KLHDC10: variants seen among roughly 807,000 people sequenced by gnomAD.
KLHDC10 encodes the protein kelch domain-containing protein 10.
A neutral mutation model predicts 56.1 loss-of-function variants in KLHDC10; 24 were observed. The observed-to-expected ratio is 0.43, with a 90% CI of 0.31 to 0.60. The LOEUF is 0.60. Ranked by LOEUF, KLHDC10 falls within the 20% of genes least tolerant of loss-of-function variation. The probability of loss-of-function intolerance (pLI) is 0.11; values close to 1 mark genes in which losing one functional copy is unlikely to be tolerated. For synonymous variants in KLHDC10, 188 were observed against 207.1 expected (o/e 0.91, Z 0.79); for missense variants, 349 against 567.0 (o/e 0.62, Z 3.91).
chr7:130,129,477 G>T lies in KLHDC10; in HGVS notation c.1020G>T (p.Leu340=). The T allele has an allele frequency of 6.2e-7, 1 of 1,614,144 alleles. No individual in the cohort carries two copies. The highest frequency in any genetic ancestry group is 8.5e-7 in the Non-Finnish European group (1 of 1,180,010). ...GGGGCTATAATGGAGAGGTGATCCT[G>T]GGAGATATCTGGAAGTTGAATCTGC... The part of the protein sequence containing the change: ...ICGGYNGEVI[L]GDIWKLNLQT... Residue 340 remains leucine, a synonymous_variant, in exon 9 of 10, where the codon CTG becomes CTT. Coordinates refer to ENST00000335420, the MANE Select transcript of KLHDC10 (RefSeq NM_014997.4).
In KLHDC10 at chr7:130,108,620, G is replaced by C. The variant is rs1796053550; in HGVS notation, c.254-7825G>C. On this transcript the variant is annotated intron_variant, in intron 2 of 9. Coordinates refer to ENST00000335420, the MANE Select transcript of KLHDC10 (RefSeq NM_014997.4). ...CTGTGGTCCCAGCACTCATCAGGAT[G>C]CTGAGGTGGAAGGATCGCTTGAGCT... Among the ~76,000 whole-genome samples, 18 of 150,142 alleles carry C rather than the reference G, an allele frequency of 1.2e-4. No individual in the cohort carries two copies. The South Asian group carries it at 3.8e-3, about 32-fold the overall frequency.
rs538974347 is a variant in KLHDC10 at position 130,104,496 on chromosome 7, C to CA, written c.253+7495dup. On this transcript the variant is annotated intron_variant, in intron 2 of 9. Transcript: ENST00000335420. ...ATATAACATTTCTACAAATCAATTT[C>CA]AAAAAAGACAGTTCAATGAGAGAAT... Among the ~76,000 whole-genome samples, 230 of 152,138 alleles carry CA rather than the reference C, an allele frequency of 1.5e-3. 1 individual carries two copies. Among genetic ancestry groups the CA allele is most frequent in the African/African-American group, 5.0e-3 (209 of 41,526 alleles).
At chr7:130,107,879 G>C (rs4731656) in intron 2 of KLHDC10, among the ~76,000 whole-genome samples, 3 of 139,598 alleles carry the variant, frequency 2.1e-5, no homozygotes, top group African/African-American at 8.2e-5. Context: ...AGCCGGACGC[G>C]GTGGCCCGTA....
chr7:130,070,736 T>C lies in KLHDC10; in HGVS notation c.93T>C (p.Ser31=). 1 of 651,540 alleles carries C rather than the reference T, an allele frequency of 1.5e-6. No individual in the cohort carries two copies. The highest frequency in any genetic ancestry group is 2.2e-6 in the Non-Finnish European group (1 of 461,816). The allele number at this position is 651,540 out of a possible 1,614,324, so 40.4% of individuals were successfully genotyped here. A position where few individuals can be genotyped will look rare whatever the true frequency, so the allele number is the denominator to read the frequency against. ...GAGGTAGCGGGGCCGGCGGGGGCAG[T>C]GGGGGCAGCGGGGGTCGGGGGACTG... ...GGGGSGAGGG[S]GGSGGRGTGQ... Residue 31 remains serine, a synonymous_variant, in exon 1 of 10, where the codon AGT becomes AGC. Coordinates refer to ENST00000335420, the MANE Select transcript of KLHDC10 (RefSeq NM_014997.4).
chr7:130,098,301 A>G (rs1795879840), intron 2 of KLHDC10, among the ~76,000 whole-genome samples: 1 of 152,126 alleles, frequency 6.6e-6, no homozygotes, highest in African/African-American at 2.4e-5. Context: ...AAGACCAGCC[A>G]GGACAACACG....
In KLHDC10 at chr7:130,116,800, A is replaced by G. The variant is rs1796174738; in HGVS notation, c.475+134A>G. 1.4e-6 allele frequency: 1 copy of G among 717,854 alleles called. No individual in the cohort carries two copies. Among genetic ancestry groups the G allele is most frequent in the African/African-American group, 1.8e-5 (1 of 56,766 alleles). 44.5% of individuals were successfully genotyped at this position (717,854 alleles called of 1,614,324 possible). On this transcript the variant is annotated intron_variant, in intron 3 of 9. Coordinates refer to ENST00000335420, the MANE Select transcript of KLHDC10 (RefSeq NM_014997.4). The surrounding 1 kb of genome is among the most constrained non-coding windows in gnomAD (Gnocchi z 4.8). ...CCTGTGGGTGGATAGGCTTTTTACT[A>G]GGGTAATAACAGTATGGTGATTCCA...
In KLHDC10 at chr7:130,130,403, C is replaced by T. The variant is rs187380143; in HGVS notation, c.1120-134C>T. On this transcript the variant is annotated intron_variant, in intron 9 of 9. Transcript: ENST00000335420. This position sits in a 1 kb window ranked among gnomAD's most constrained non-coding sequence, Gnocchi z 4.2. ...ATTATTTAAACCCTCTTGATCTCCACATGGTATTGGGATCAGTGAGGAATT... is the reference window on the plus strand; with the variant it reads ...ATTATTTAAACCCTCTTGATCTCCATATGGTATTGGGATCAGTGAGGAATT... The T allele has an allele frequency of 4.6e-6, 3 of 658,130 alleles. No individual in the cohort carries two copies. The highest frequency in any genetic ancestry group is 2.5e-5 in the Admixed American group (1 of 40,542). The allele number at this position is 658,130 out of a possible 1,614,324, so 40.8% of individuals were successfully genotyped here.
At chr7:130,108,553 A>G (rs2116889237) in intron 2 of KLHDC10, among the ~76,000 whole-genome samples, 1 of 121,222 alleles carries the variant, frequency 8.2e-6, no homozygotes, top group Middle Eastern at 4.0e-3. Flanking sequence ...TCTACCAAAT[A>G]TCCAAAAAAA....
At chr7:130,079,360 A>C (rs1406440174) in intron 1 of KLHDC10, among the ~76,000 whole-genome samples, 1 of 152,100 alleles carries the variant, frequency 6.6e-6, no homozygotes, top group Non-Finnish European at 1.5e-5. Flanking sequence ...GCCAGGCCTA[A>C]AGTATTTTTT....
chr7:130,090,528 C>T (rs1466854838), intron 1 of KLHDC10, among the ~76,000 whole-genome samples: 3 of 151,058 alleles, frequency 2.0e-5, no homozygotes, highest in Non-Finnish European at 2.9e-5. Flanking sequence ...GTGGAGGTTG[C>T]ATTGAGCCAA....
In KLHDC10 at chr7:130,133,867, T is replaced by G. The variant is rs1796432925; in HGVS notation, c.*3121T>G. 1 of 152,196 alleles carries G rather than the reference T, an allele frequency of 6.6e-6. No homozygotes were observed. Among genetic ancestry groups the G allele is most frequent in the South Asian group, 2.1e-4 (1 of 4,826 alleles). The allele number at this position is 152,196 out of a possible 1,614,324, so 9.4% of individuals were successfully genotyped here. A position where few individuals can be genotyped will look rare whatever the true frequency, so the allele number is the denominator to read the frequency against. ...TCCACATCCTGGAAAAACTATAAAC[T>G]GACACAGAATAGGTTGAAATCTTAA... is the stretch of plus-strand genomic sequence containing the variant. On this transcript the variant is annotated 3_prime_UTR_variant, in exon 10 of 10. Transcript: ENST00000335420.
chr7:130,128,889 A>AAAAAAAAAAAAAAAAAAATATATATAT, intron 8 of KLHDC10, among the ~76,000 whole-genome samples: 2 of 66,952 alleles, frequency 3.0e-5, no homozygotes, highest in Non-Finnish European at 5.5e-5. Context: ...AAAAAAAAAA[A>AAAAAAAAAAAAAAAAAAATATATATAT]ATATATATAT....
Position 130,131,090 on chromosome 7 carries a change from G to C in KLHDC10, c.*344G>C. ...TTAAAGGAATTCTGAATAGTTCCATGTCATACAATATTCTAGAAATTAAAA... is the reference window on the plus strand; with the variant it reads ...TTAAAGGAATTCTGAATAGTTCCATCTCATACAATATTCTAGAAATTAAAA... On this transcript the variant is annotated 3_prime_UTR_variant, in exon 10 of 10. Transcript: ENST00000335420. 5.7e-6 allele frequency: 1 copy of C among 175,752 alleles called. No homozygotes were observed. Among genetic ancestry groups the C allele is most frequent in the Non-Finnish European group, 1.2e-5 (1 of 82,806 alleles). The allele number at this position is 175,752 out of a possible 1,614,324, so 10.9% of individuals were successfully genotyped here.
At chr7:130,098,469 G>T (rs983172002) in intron 2 of KLHDC10, among the ~76,000 whole-genome samples, 2 of 152,036 alleles carry the variant, frequency 1.3e-5, no homozygotes, top group Admixed American at 6.6e-5. Context: ...TTCCAGCCTG[G>T]GCGATAGAGT....
intron 1 of KLHDC10, among the ~76,000 whole-genome samples, chr7:130,077,545 CTTTTTCTTTCTTTTTT>C (rs975152544): frequency 7.4e-6 from 1 of 136,020 alleles, no homozygotes; most frequent in African/African-American, 2.9e-5. Context: ...TTTCTTTTTT[CTTTTTCTTTCTTTTTT>C]TTTTTTTTTT....
chr7:130,100,511 T>C (rs1322242071), intron 2 of KLHDC10, among the ~76,000 whole-genome samples: 1 of 152,212 alleles, frequency 6.6e-6, no homozygotes, highest in Non-Finnish European at 1.5e-5. Flanking sequence ...AATTAAAGTA[T>C]TGTAAAGGCC....
chr7:130,130,145 A>C lies in KLHDC10; in HGVS notation c.1120-392A>C, dbSNP rs144170753. On this transcript the variant is annotated intron_variant, in intron 9 of 9. Coordinates refer to ENST00000335420, the MANE Select transcript of KLHDC10 (RefSeq NM_014997.4). This position sits in a 1 kb window ranked among gnomAD's most constrained non-coding sequence, Gnocchi z 4.2. ...TCCTGGCTAACACGGATGAAACCCC[A>C]TCTCTACTAAAAATACAAAAAAAAA... Among the ~76,000 whole-genome samples, 1 of 151,534 alleles carries C rather than the reference A, an allele frequency of 6.6e-6. No homozygotes were observed. Among genetic ancestry groups the C allele is most frequent in the African/African-American group, 2.4e-5 (1 of 41,220 alleles).
rs150584000 is a variant in KLHDC10 at position 130,126,839 on chromosome 7, G to A, written c.932-565G>A. 1.1e-4 allele frequency among the ~76,000 whole-genome samples: 17 copies of A among 151,718 alleles called. 1 individual carries two copies. Among genetic ancestry groups the A allele is most frequent in the Middle Eastern group, 3.4e-3 (1 of 294 alleles). On this transcript the variant is annotated intron_variant, in intron 7 of 9. Transcript: ENST00000335420. Reference sequence around the variant, plus strand: ...ATTGGAGCCTAAATAAAGATCTACCGGCTGGGTATGGTGGCTCATGCCTAT... The same window carrying A: ...ATTGGAGCCTAAATAAAGATCTACCAGCTGGGTATGGTGGCTCATGCCTAT...
At position 130,120,242 on chromosome 7, in the gene KLHDC10, T is replaced by C. The variant is rs1457311140; in HGVS notation, c.476-507T>C. Among the ~76,000 whole-genome samples the C allele has an allele frequency of 3.9e-5, 6 of 152,242 alleles. No individual in the cohort carries two copies. Among genetic ancestry groups the C allele is most frequent in the Admixed American group, 3.9e-4 (6 of 15,282 alleles). ...CAGCAGTGGTATACTGGGTAGACTG[T>C]AGTTCATGGAACTCAATATTATTAT... On this transcript the variant is annotated intron_variant, in intron 3 of 9. Coordinates refer to ENST00000335420, the MANE Select transcript of KLHDC10 (RefSeq NM_014997.4). This position sits in a 1 kb window ranked among gnomAD's most constrained non-coding sequence, Gnocchi z 5.1.
Sources: gnomAD v4.1 joint callset for allele counts (sites outside exome capture counted in the v4.1 genomes callset) on GRCh38, gnomAD v4.1.1 for gene constraint, Gnocchi (gnomAD v3.1) non-coding constraint, MANE v1.5 for transcripts, NCBI Gene and HGNC (gene_info 2026-07-23, HGNC 2026-07-21) for gene names.